GRIN2A: variants seen among roughly 807,000 people sequenced by gnomAD.
GRIN2A encodes the protein glutamate receptor ionotropic, NMDA 2A.
A neutral mutation model predicts 113.4 loss-of-function variants in GRIN2A; 22 were observed. That is an observed-to-expected ratio of 0.19 (90% CI 0.14 to 0.28). The LOEUF (loss-of-function observed/expected upper bound fraction) is 0.28, where lower values mean the gene tolerates loss of function less well. Among genes scored for constraint, GRIN2A ranks in the 10% least tolerant of loss-of-function variants. GRIN2A has a pLI of 1.00. For synonymous variants in GRIN2A, 827 were observed against 738.4 expected (o/e 1.12, Z -1.94); for missense variants, 1,502 against 1,887.0 (o/e 0.80, Z 3.78).
chr16:9,809,064 T>C (rs1178314899), intron 10 of GRIN2A, among the ~76,000 whole-genome samples: 1 of 152,180 alleles, frequency 6.6e-6, no homozygotes, highest in African/African-American at 2.4e-5. Context: ...TGTGACATAC[T>C]GCATAGAGTT....
At chr16:9,955,735 T>C (rs1446021950) in intron 2 of GRIN2A, among the ~76,000 whole-genome samples, 3 of 152,226 alleles carry the variant, frequency 2.0e-5, no homozygotes, top group Non-Finnish European at 4.4e-5. Flanking sequence ...TTTGGTTTTG[T>C]TTTGGTTTAC....
chr16:9,790,755 G>T (rs2141207925), intron 11 of GRIN2A, among the ~76,000 whole-genome samples: 1 of 152,296 alleles, frequency 6.6e-6, no homozygotes, highest in East Asian at 1.9e-4. Context: ...TTTCATTAAA[G>T]AAGGTATTAA....
At chr16:9,979,683 C>T (rs1293325867) in intron 2 of GRIN2A, among the ~76,000 whole-genome samples, 1 of 151,750 alleles carries the variant, frequency 6.6e-6, no homozygotes. Flanking sequence ...TTCTCTAGTA[C>T]AATGCCAGGC....
chr16:9,955,768 T>G (rs2045293076), intron 2 of GRIN2A, among the ~76,000 whole-genome samples: 1 of 152,228 alleles, frequency 6.6e-6, no homozygotes, highest in Admixed American at 6.5e-5. Context: ...TTGTTTTGAA[T>G]GAGGTTAGGC....
At chr16:10,037,753 G>A (rs990919677) in intron 2 of GRIN2A, among the ~76,000 whole-genome samples, 9 of 152,034 alleles carry the variant, frequency 5.9e-5, no homozygotes, top group African/African-American at 2.2e-4. Flanking sequence ...AGCCTCCTGA[G>A]TATCTGAGAC....
At chr16:9,877,496 C>T (rs2043390559) in intron 4 of GRIN2A, among the ~76,000 whole-genome samples, 2 of 152,094 alleles carry the variant, frequency 1.3e-5, no homozygotes, top group Non-Finnish European at 2.9e-5. Flanking sequence ...ACCCTGGTGG[C>T]ACTCTAAGTT....
intron 9 of GRIN2A, among the ~76,000 whole-genome samples, chr16:9,828,812 G>T (rs1332875033): frequency 6.6e-6 from 1 of 152,054 alleles, no homozygotes; most frequent in African/African-American, 2.4e-5. Flanking sequence ...ATATATCTGA[G>T]TAGAAAGAAC....
intron 3 of GRIN2A, among the ~76,000 whole-genome samples, chr16:9,896,580 T>G (rs1479708507): frequency 6.6e-6 from 1 of 152,204 alleles, no homozygotes; most frequent in African/African-American, 2.4e-5. Flanking sequence ...CTTCAGATTT[T>G]TCTGTGTTCC....
chr16:10,058,254 A>G (rs1433145965), intron 2 of GRIN2A, among the ~76,000 whole-genome samples: 1 of 151,730 alleles, frequency 6.6e-6, no homozygotes, highest in Non-Finnish European at 1.5e-5. Flanking sequence ...ACACTGTCTC[A>G]AAAAAAACCA....
chr16:9,974,652 A>G (rs1216575209), intron 2 of GRIN2A, among the ~76,000 whole-genome samples: 1 of 152,158 alleles, frequency 6.6e-6, no homozygotes, highest in Non-Finnish European at 1.5e-5. Flanking sequence ...TCCTGCTACA[A>G]GGGGAATGAG....
At chr16:9,843,578 C>A (rs190997940) in intron 5 of GRIN2A, among the ~76,000 whole-genome samples, 1 of 152,210 alleles carries the variant, frequency 6.6e-6, no homozygotes, top group African/African-American at 2.4e-5. Flanking sequence ...GGATCACAGA[C>A]TGCCTGTCTT....
intron 2 of GRIN2A, among the ~76,000 whole-genome samples, chr16:9,949,083 C>G (rs1449640907): frequency 6.6e-6 from 1 of 152,130 alleles, no homozygotes; most frequent in African/African-American, 2.4e-5. Flanking sequence ...AAACAGCTGC[C>G]GCCTCCTCTC....
rs148548532 is a variant in GRIN2A at position 10,176,736 on chromosome 16, T to G, written c.414+3262A>C. Among the ~76,000 whole-genome samples the G allele has an allele frequency of 3.9e-3, 595 of 150,862 alleles. 2 individuals carry two copies. Among genetic ancestry groups the G allele is most frequent in the African/African-American group, 0.014 (570 of 41,206 alleles). ...AGGGGGGATGGATAGCACTAGGAGATATACCTAATGTAAATGACGAGTTAA... is the reference window on the plus strand; with the variant it reads ...AGGGGGGATGGATAGCACTAGGAGAGATACCTAATGTAAATGACGAGTTAA... On this transcript the variant is annotated intron_variant, in intron 2 of 12. Coordinates refer to ENST00000330684, the MANE Select transcript of GRIN2A (RefSeq NM_001134407.3).
At chr16:9,846,569 G>A (rs527324112) in intron 5 of GRIN2A, among the ~76,000 whole-genome samples, 1 of 152,252 alleles carries the variant, frequency 6.6e-6, no homozygotes, top group South Asian at 2.1e-4. Flanking sequence ...AACAAACATT[G>A]GTGTGTCATG....
intron 2 of GRIN2A, among the ~76,000 whole-genome samples, chr16:9,955,104 T>A (rs912581536): frequency 6.6e-6 from 1 of 151,948 alleles, no homozygotes; most frequent in Non-Finnish European, 1.5e-5. Context: ...AAGGCGAGGG[T>A]TTCACTCTCT....
intron 2 of GRIN2A, among the ~76,000 whole-genome samples, chr16:9,951,294 A>G (rs1567196209): frequency 6.6e-6 from 1 of 152,226 alleles, no homozygotes. Flanking sequence ...TGAAGCTAAC[A>G]CAATACAGAG....
At position 10,180,333 on chromosome 16, in the gene GRIN2A, C is replaced by G. The variant is rs1478469530; in HGVS notation, c.79G>C (p.Ala27Pro). 1 of 1,609,214 alleles carries G rather than the reference C, an allele frequency of 6.2e-7. No individual in the cohort carries two copies. The highest frequency in any genetic ancestry group is 1.3e-5 in the African/African-American group (1 of 74,942). Reference protein sequence around the residue: ...VWRGPAPSAAAEKGPPALNIA... With the variant: ...VWRGPAPSAAPEKGPPALNIA... ...TTTAGCGCGGGGGGACCCTTCTCCG[C>G]CGCCGCGCTCGGCGCCGGACCGCGC... Residue 27 changes from alanine to proline, a missense_variant, in exon 2 of 13, where the codon GCG becomes CCG. Physicochemically the swap from Ala to Pro is conservative, Grantham distance 27. Around this residue, in one of 7 missense-constraint regions of GRIN2A, gnomAD observed 149 missense variants for 179.1 expected, o/e 0.83. Transcript: ENST00000330684. This position sits in a 1 kb window ranked among gnomAD's most constrained non-coding sequence, Gnocchi z 7.0.
chr16:10,073,388 G>A (rs1333202786), intron 2 of GRIN2A, among the ~76,000 whole-genome samples: 1 of 152,146 alleles, frequency 6.6e-6, no homozygotes, highest in African/African-American at 2.4e-5. Flanking sequence ...TTTACCACAT[G>A]CTGATATCAC....
intron 2 of GRIN2A, among the ~76,000 whole-genome samples, chr16:10,156,256 C>T (rs2049692534): frequency 6.6e-6 from 1 of 152,224 alleles, no homozygotes; most frequent in Non-Finnish European, 1.5e-5. Flanking sequence ...GTGGAATGGA[C>T]TCATGCCATA....
Sources: gnomAD v4.1 joint callset for allele counts (sites outside exome capture counted in the v4.1 genomes callset) on GRCh38, gnomAD v4.1.1 for gene constraint, gnomAD v4.1.1 regional missense constraint, Gnocchi (gnomAD v3.1) non-coding constraint, MANE v1.5 for transcripts, NCBI Gene and HGNC (gene_info 2026-07-23, HGNC 2026-07-21) for gene names.